Variants in OR3A2 observed in about 807,000 individuals in gnomAD.
The protein encoded by OR3A2 is olfactory receptor 3A2.
For missense variants in OR3A2, 318 were observed against 392.8 expected, an observed-to-expected ratio of 0.81 and a Z score of 1.61; for synonymous variants, 126 against 159.3, an observed-to-expected ratio of 0.79 and a Z score of 1.57.
chr17:3,368,794 A>G (rs1372952046), intron 2 of OR3A2, among the ~76,000 whole-genome samples: 1 of 152,022 alleles, frequency 6.6e-6, no homozygotes, highest in Non-Finnish European at 1.5e-5. Context: ...TACTTTGGTG[A>G]GCATTGCAAT....
intron 3 of OR3A2, among the ~76,000 whole-genome samples, chr17:3,319,547 C>T (rs1231188500): frequency 6.6e-6 from 1 of 152,016 alleles, no homozygotes; most frequent in Non-Finnish European, 1.5e-5. Context: ...CCACAACAGT[C>T]CCCAGTATGT....
At chr17:3,381,916 C>T (rs1211590389) in intron 2 of OR3A2, among the ~76,000 whole-genome samples, 1 of 152,162 alleles carries the variant, frequency 6.6e-6, no homozygotes, top group Non-Finnish European at 1.5e-5. Context: ...GAAGGCTCAT[C>T]ATCTAGCAGG....
chr17:3,338,565 A>T (rs1405672904), intron 2 of OR3A2, among the ~76,000 whole-genome samples: 2 of 152,130 alleles, frequency 1.3e-5, no homozygotes, highest in South Asian at 4.1e-4. Context: ...CAGGTTTATC[A>T]AAGATCAGAT....
At chr17:3,361,760 T>G (rs1488245284) in intron 2 of OR3A2, among the ~76,000 whole-genome samples, 1 of 151,736 alleles carries the variant, frequency 6.6e-6, no homozygotes, top group Non-Finnish European at 1.5e-5. Flanking sequence ...ATCCCAGGGA[T>G]GAAGTCCAGT....
At chr17:3,333,225 G>A (rs1567558416) in intron 3 of OR3A2, among the ~76,000 whole-genome samples, 1 of 152,220 alleles carries the variant, frequency 6.6e-6, no homozygotes, top group South Asian at 2.1e-4. Context: ...AATACGCCCT[G>A]GTCTCCTGTA....
intron 3 of OR3A2, among the ~76,000 whole-genome samples, chr17:3,326,454 G>A (rs771678697): frequency 9.9e-5 from 15 of 152,114 alleles, no homozygotes; most frequent in Non-Finnish European, 1.9e-4. Flanking sequence ...TGGAGCTGCA[G>A]CAGAGGAACA....
At chr17:3,290,324 A>G (rs1329428096) in intron 3 of OR3A2, among the ~76,000 whole-genome samples, 1 of 152,034 alleles carries the variant, frequency 6.6e-6, no homozygotes, top group Non-Finnish European at 1.5e-5. Context: ...CAATTCCTCC[A>G]TTCTTTCTCA....
At chr17:3,330,471 C>T (rs1370080406) in intron 3 of OR3A2, among the ~76,000 whole-genome samples, 3 of 151,952 alleles carry the variant, frequency 2.0e-5, no homozygotes, top group Admixed American at 6.6e-5. Flanking sequence ...ATGTAATGGC[C>T]TTCTTTGTCT....
At chr17:3,365,437 T>A (rs1162236975) in intron 2 of OR3A2, among the ~76,000 whole-genome samples, 3 of 152,146 alleles carry the variant, frequency 2.0e-5, no homozygotes, top group Non-Finnish European at 4.4e-5. Context: ...CAGCACTGAG[T>A]TTGTCACCTT....
chr17:3,359,258 T>C (rs1414760844), intron 2 of OR3A2, among the ~76,000 whole-genome samples: 1 of 150,408 alleles, frequency 6.6e-6, no homozygotes, highest in African/African-American at 2.5e-5. Context: ...AAGTGGGGCA[T>C]TTAGCCCATT....
At chr17:3,313,236 G>T (rs1046948881) in intron 3 of OR3A2, among the ~76,000 whole-genome samples, 1 of 152,178 alleles carries the variant, frequency 6.6e-6, no homozygotes. Flanking sequence ...GACTCACCTT[G>T]TCCGACATGC....
At chr17:3,329,682 T>G (rs1473729501) in intron 3 of OR3A2, among the ~76,000 whole-genome samples, 1 of 140,254 alleles carries the variant, frequency 7.1e-6, no homozygotes, top group Non-Finnish European at 1.5e-5. Context: ...TCGTTAATTT[T>G]TTGAAGGGTT....
At chr17:3,277,993 A>G (rs202190299) in exon 2 of OR3A2, 7 of 1,599,516 alleles carry the variant, frequency 4.4e-6, no homozygotes, top group East Asian at 2.3e-5. Context: ...CTCCTCCCCA[A>G]AAATATTTGC....
intron 2 of OR3A2, among the ~76,000 whole-genome samples, chr17:3,362,060 T>C (rs537462926): frequency 1.6e-4 from 25 of 151,786 alleles, no homozygotes; most frequent in Admixed American, 7.2e-4. Context: ...CTTTTTTTGG[T>C]TGGTAGGCTA....
rs79839372 is a variant in OR3A2 at position 3,299,492 on chromosome 17, G to A, written c.-84-20339C>T. Among the ~76,000 whole-genome samples, 1,293 of 152,252 alleles carry A rather than the reference G, an allele frequency of 8.5e-3. 20 individuals carry two copies. Among genetic ancestry groups the A allele is most frequent in the African/African-American group, 0.029 (1,210 of 41,528 alleles). On this transcript the variant is annotated intron_variant, in intron 3 of 4. Transcript: ENST00000573491. ...GAGGGACCAAGGGGTCCTGAGGGAC[G>A]TCTCTTCCCACTGTAATTCTCTAGG...
chr17:3,292,480 G>A, intron 3 of OR3A2: 2 of 1,613,796 alleles, frequency 1.2e-6, no homozygotes, highest in South Asian at 2.2e-5. Flanking sequence ...TAGGCAAAGA[G>A]GAAGAGCACA....
intron 1 of OR3A2, among the ~76,000 whole-genome samples, chr17:3,283,161 T>C (rs9906934): frequency 0.18 from 27,535 of 152,178 alleles, 3,117 homozygotes; most frequent in African/African-American, 0.3. Context: ...GGACAGAATA[T>C]GTTTGATTCA....
chr17:3,351,824 C>A (rs1298001082), intron 2 of OR3A2, among the ~76,000 whole-genome samples: 1 of 152,054 alleles, frequency 6.6e-6, no homozygotes, highest in Non-Finnish European at 1.5e-5. Flanking sequence ...GGTACTGGTA[C>A]CAAAACAGAG....
chr17:3,362,641 G>T (rs2049528348), intron 2 of OR3A2, among the ~76,000 whole-genome samples: 1 of 151,626 alleles, frequency 6.6e-6, no homozygotes, highest in Non-Finnish European at 1.5e-5. Context: ...TGGTTTCAAA[G>T]AACATCTTTA....
Sources: allele counts gnomAD v4.1 joint callset (sites outside exome capture counted in the v4.1 genomes callset), GRCh38; gene constraint gnomAD v4.1.1; transcripts MANE v1.5; gene names NCBI Gene and HGNC (gene_info 2026-07-23, HGNC 2026-07-21).